The following MVK variants were observed in gnomAD, a reference collection of about 807,000 sequenced individuals.
The protein encoded by MVK is mevalonate kinase.
MVK carries 34 observed loss-of-function variants against 43.2 expected under a neutral mutation model. That is an observed-to-expected ratio of 0.79 (90% CI 0.60 to 1.05). MVK has a LOEUF of 1.05. MVK is among the 50% of genes least tolerant of loss of function. The pLI is 0.00. For synonymous variants in MVK, 190 were observed against 219.8 expected, an observed-to-expected ratio of 0.86 and a Z score of 1.20; for missense variants, 395 against 504.0, an observed-to-expected ratio of 0.78 and a Z score of 2.07.
rs529552660 is a variant in MVK, at chr12:109,586,485, C to T, written c.632-269C>T. On this transcript the variant is annotated intron_variant, in intron 6 of 10. Coordinates refer to ENST00000228510, the MANE Select transcript of MVK (RefSeq NM_000431.4). Reference sequence around the variant, plus strand: ...GGCCCAGATGCTGTGTCCTGGGCCCCACCTTCACCATGTGGCTTGTCGGGG... The same window carrying T: ...GGCCCAGATGCTGTGTCCTGGGCCCTACCTTCACCATGTGGCTTGTCGGGG... Among the ~76,000 whole-genome samples the T allele has an allele frequency of 2.0e-3, 308 of 152,308 alleles. 2 individuals are homozygous for T. Among genetic ancestry groups the T allele is most frequent in the African/African-American group, 7.0e-3 (289 of 41,562 alleles).
intron 4 of MVK, 118 bp downstream of exon 4, chr12:109,580,064 C>T (rs1015977573): frequency 6.8e-7 from 1 of 1,467,606 alleles, no homozygotes; most frequent in Non-Finnish European, 9.4e-7. Context: ...CAGCCATTGG[C>T]TGTCCTCATC....
At chr12:109,591,674 G>GTGGCTGATGCAGAGTGCTC (rs1200922923) in intron 9 of MVK, among the ~76,000 whole-genome samples, 9 of 152,276 alleles carry the variant, frequency 5.9e-5, no homozygotes, top group African/African-American at 2.2e-4. Flanking sequence ...AGATGGGGAT[G>GTGGCTGATGCAGAGTGCTC]TGGCTGATGC....
intron 3 of MVK, 34 bp from the exon 4 acceptor site, chr12:109,579,768 C>T: frequency 6.2e-7 from 1 of 1,614,086 alleles, no homozygotes; most frequent in Non-Finnish European, 8.5e-7. Context: ...GTCCCTCTCA[C>T]CCACTTGTGT....
chr12:109,587,201 G>C lies in MVK; in HGVS notation c.677+402G>C, dbSNP rs898222655. On this transcript the variant is annotated intron_variant, in intron 7 of 10. Transcript: ENST00000228510. The stretch of plus-strand genomic sequence containing the variant: ...CAAGGACTCTCAGTCTGCTTGTGGG[G>C]GTGGGGCCAGACACACACAAAAGCC... The C allele has an allele frequency of 1.8e-5, 5 of 280,064 alleles. No individual in the cohort carries two copies. The Admixed American group carries it at 2.1e-4, about 12-fold the overall frequency. 17.3% of individuals were successfully genotyped at this position (280,064 alleles called of 1,614,324 possible). A position where few individuals can be genotyped will look rare whatever the true frequency, so the allele number is the denominator to read the frequency against.
chr12:109,591,438 C>T, intron 9 of MVK, 81 bp downstream of exon 9: 2 of 1,354,800 alleles, frequency 1.5e-6, no homozygotes, highest in Non-Finnish European at 2.1e-6. Context: ...TGGCTGTGCT[C>T]AGAATCCCCC....
chr12:109,586,344 G>A (rs558048681), intron 6 of MVK, among the ~76,000 whole-genome samples: 1 of 152,338 alleles, frequency 6.6e-6, no homozygotes, highest in South Asian at 2.1e-4. Context: ...GGCCTGGGAA[G>A]CTGCAGCTTC....
At chr12:109,585,983 C>T (rs1885415275) in intron 5 of MVK, 39 bp from the exon 6 acceptor site, 2 of 1,573,652 alleles carry the variant, frequency 1.3e-6, no homozygotes, top group African/African-American at 2.7e-5. Flanking sequence ...CAGCCCCACT[C>T]CTCACTGCCA....
At chr12:109,576,466 A>C (rs1344480920) in intron 3 of MVK, among the ~76,000 whole-genome samples, 2 of 152,210 alleles carry the variant, frequency 1.3e-5, no homozygotes, top group Non-Finnish European at 2.9e-5. Context: ...CATAGACATC[A>C]GATTGGCAGT....
At position 109,587,062 on chromosome 12, in the gene MVK, C is replaced by T. The variant is rs975233609; in HGVS notation, c.677+263C>T. The T allele has an allele frequency of 1.1e-4, 55 of 501,850 alleles. 1 individual carries two copies. In the Admixed American group the frequency reaches 1.2e-3, roughly 11 times the overall value. The allele number at this position is 501,850 out of a possible 1,614,324, so 31.1% of individuals were successfully genotyped here. The stretch of plus-strand genomic sequence containing the variant: ...GGCTGTGCCCGTAGACTCTCAGCTG[C>T]TCATTCATTCATTCCTGTATTTGCT... On this transcript the variant is annotated intron_variant, in intron 7 of 10. Coordinates refer to ENST00000228510, the MANE Select transcript of MVK (RefSeq NM_000431.4).
At chr12:109,581,992 T>G (rs1283475542) in intron 5 of MVK, among the ~76,000 whole-genome samples, 1 of 152,196 alleles carries the variant, frequency 6.6e-6, no homozygotes, top group African/African-American at 2.4e-5. Context: ...TGAAAGAAAC[T>G]AAGAGTTTGC....
intron 9 of MVK, among the ~76,000 whole-genome samples, chr12:109,592,076 T>G (rs1885708704): frequency 1.3e-5 from 2 of 152,172 alleles, no homozygotes; most frequent in Non-Finnish European, 2.9e-5. Context: ...AAACTCTGTC[T>G]CTACAAAAAA....
Position 109,595,929 on chromosome 12 carries a change from C to A in MVK, c.1040-497C>A, listed in dbSNP as rs10850436. Among the ~76,000 whole-genome samples, 35,727 of 152,092 alleles carry A rather than the reference C, an allele frequency of 0.23. 4,398 individuals are homozygous for A. The highest frequency in any genetic ancestry group is 0.29 in the Middle Eastern group (84 of 294). ...ATGGCTCCCAGGCCTCAGGAGGTGG[C>A]CACATCCTCACTCCAGCCAACCCCA... On this transcript the variant is annotated intron_variant, in intron 10 of 10. Coordinates refer to ENST00000228510, the MANE Select transcript of MVK (RefSeq NM_000431.4). This position sits in a 1 kb window ranked among gnomAD's most constrained non-coding sequence, Gnocchi z 5.9.
At chr12:109,577,792 C>T (rs1885025391) in intron 3 of MVK, among the ~76,000 whole-genome samples, 1 of 152,068 alleles carries the variant, frequency 6.6e-6, no homozygotes, top group South Asian at 2.1e-4. Flanking sequence ...AAAGGGGTTC[C>T]TTGGGTGATT....
chr12:109,580,359 T>C (rs1382351350), intron 4 of MVK, among the ~76,000 whole-genome samples: 4 of 152,202 alleles, frequency 2.6e-5, no homozygotes, highest in Admixed American at 2.6e-4. Context: ...TGCCTTGGCC[T>C]CTGAAAGTGC....
intron 9 of MVK, among the ~76,000 whole-genome samples, chr12:109,594,204 C>T (rs1392347413): frequency 6.6e-6 from 1 of 152,164 alleles, no homozygotes; most frequent in Admixed American, 6.5e-5. Flanking sequence ...TCCTTAGAGC[C>T]CCAGCACGTT....
intron 3 of MVK, chr12:109,579,028 T>G (rs909668756): frequency 3.5e-6 from 1 of 286,926 alleles, no homozygotes; most frequent in Non-Finnish European, 7.0e-6. Context: ...TTAACACTCT[T>G]TTGATTTTGG....
chr12:109,577,381 A>G (rs781733253), intron 3 of MVK, among the ~76,000 whole-genome samples: 2 of 152,128 alleles, frequency 1.3e-5, no homozygotes, highest in African/African-American at 2.4e-5. Flanking sequence ...TTTTTTCCTT[A>G]CACTGCACCT....
intron 3 of MVK, among the ~76,000 whole-genome samples, chr12:109,579,499 C>A (rs757936436): frequency 6.6e-6 from 1 of 152,170 alleles, no homozygotes; most frequent in Non-Finnish European, 1.5e-5. Flanking sequence ...AAAGTTTACA[C>A]CCCTTATTTA....
upstream of MVK, chr12:109,573,325 G>A (rs372246214): frequency 1.5e-5 from 24 of 1,611,660 alleles, no homozygotes; most frequent in African/African-American, 1.6e-4. Context: ...TGTTCGAGTT[G>A]CCCTTCCCGC....
Sources: gnomAD v4.1 joint callset for allele counts (sites outside exome capture counted in the v4.1 genomes callset) on GRCh38, gnomAD v4.1.1 for gene constraint, Gnocchi (gnomAD v3.1) non-coding constraint, MANE v1.5 for transcripts, NCBI Gene and HGNC (gene_info 2026-07-23, HGNC 2026-07-21) for gene names.